MTG1: variants seen among roughly 807,000 people sequenced by gnomAD.
MTG1 encodes the protein mitochondrial ribosome associated GTPase 1.
Under a neutral mutation model 39.5 loss-of-function variants are expected in MTG1, and 30 were observed. The ratio of observed to expected loss-of-function variants is 0.76; its 90% CI spans 0.57 to 1.03. The LOEUF (loss-of-function observed/expected upper bound fraction) is 1.03. MTG1 is among the 50% of genes least tolerant of loss of function. The pLI is 0.00. For synonymous variants in MTG1, 217 were observed against 179.0 expected (o/e 1.21, Z -1.69); for missense variants, 513 against 447.4 (o/e 1.15, Z -1.32).
rs1038624887 is a variant in MTG1, at chr10:133,402,050, C to T, written c.574-99C>T. 44 of 1,456,662 alleles carry T rather than the reference C, an allele frequency of 3.0e-5. No individual in the cohort carries two copies. Among genetic ancestry groups the T allele is most frequent in the Middle Eastern group, 3.8e-4 (2 of 5,254 alleles). The allele number at this position is 1,456,662 out of a possible 1,614,324, so 90.2% of individuals were successfully genotyped here. On this transcript the variant is annotated intron_variant, in intron 7 of 10. Transcript: ENST00000317502. This position sits in a 1 kb window ranked among gnomAD's most constrained non-coding sequence, Gnocchi z 4.7. Reference sequence around the variant, plus strand: ...GGGGTTGGGTCCCTGAGGCCTTCCTCGGAGCATTGGGTGCCAGGGGCTGCC... The same window carrying T: ...GGGGTTGGGTCCCTGAGGCCTTCCTTGGAGCATTGGGTGCCAGGGGCTGCC...
chr10:133,402,924 G>A lies in MTG1; in HGVS notation c.752+151G>A, dbSNP rs1265893099. 2.1e-5 allele frequency: 13 copies of A among 621,308 alleles called. No individual in the cohort carries two copies. The highest frequency in any genetic ancestry group is 5.5e-5 in the East Asian group (2 of 36,362). 38.5% of individuals were successfully genotyped at this position (621,308 alleles called of 1,614,324 possible). A position where few individuals can be genotyped will look rare whatever the true frequency, so the allele number is the denominator to read the frequency against. On this transcript the variant is annotated intron_variant, in intron 9 of 10. Coordinates refer to ENST00000317502, the MANE Select transcript of MTG1 (RefSeq NM_138384.4). The surrounding 1 kb of genome is among the most constrained non-coding windows in gnomAD (Gnocchi z 4.7). ...TTAAAGCGTCCAGTTGGACAAGTTC[G>A]GGAGTATGGCTATACGTCTGTGAAA...
At chr10:133,420,003 C>T (rs1311155022) in intron 10 of MTG1, 23 bp from the exon 11 acceptor site, 1 of 1,590,900 alleles carries the variant, frequency 6.3e-7, no homozygotes, top group East Asian at 2.2e-5. Flanking sequence ...GCTCCTTCCT[C>T]ACTGAACCCT....
At position 133,402,590 on chromosome 10, in the gene MTG1, G is replaced by C. The variant is rs1050132554; in HGVS notation, c.671-102G>C. 14 of 1,085,194 alleles carry C rather than the reference G, an allele frequency of 1.3e-5. No homozygotes were observed. Among genetic ancestry groups the C allele is most frequent in the Non-Finnish European group, 1.9e-5 (14 of 744,728 alleles). The allele number at this position is 1,085,194 out of a possible 1,614,324, so 67.2% of individuals were successfully genotyped here. On this transcript the variant is annotated intron_variant, in intron 8 of 10. Transcript: ENST00000317502. The surrounding 1 kb of genome is among the most constrained non-coding windows in gnomAD (Gnocchi z 4.7). The stretch of plus-strand genomic sequence containing the variant: ...TGTCAGTGGCTGGCCTCTTCCTCAC[G>C]GCACGGTGTCTTTGGGCTAGGACTG...
chr10:133,395,134 G>T (rs917466673), intron 1 of MTG1, among the ~76,000 whole-genome samples: 3 of 152,166 alleles, frequency 2.0e-5, no homozygotes, highest in East Asian at 1.9e-4. Context: ...GGTGGCTCAC[G>T]CTTGTAATCC....
Position 133,402,518 on chromosome 10 carries a change from TG to T in MTG1, c.671-169del. On this transcript the variant is annotated intron_variant, in intron 8 of 10. Coordinates refer to ENST00000317502, the MANE Select transcript of MTG1 (RefSeq NM_138384.4). The surrounding 1 kb of genome is among the most constrained non-coding windows in gnomAD (Gnocchi z 4.7). ...GTTGGTCGCAGGTGCCAGGCAGGAG[TG>T]GGGGCCGGGACCACAGCCGAGTGCC... 1 of 708,322 alleles carries T rather than the reference TG, an allele frequency of 1.4e-6. No homozygotes were observed. Among genetic ancestry groups the T allele is most frequent in the Non-Finnish European group, 2.3e-6 (1 of 426,396 alleles). 43.9% of individuals were successfully genotyped at this position (708,322 alleles called of 1,614,324 possible). A position where few individuals can be genotyped will look rare whatever the true frequency, so the allele number is the denominator to read the frequency against.
chr10:133,419,683 A>G (rs977183902), intron 10 of MTG1, 91 bp downstream of exon 10: 84 of 1,084,520 alleles, frequency 7.7e-5, no homozygotes, highest in Non-Finnish European at 1.1e-4. Context: ...GAGGAGAGGA[A>G]CGTGTCAAGG....
chr10:133,416,870 G>T (rs563342571), intron 9 of MTG1, among the ~76,000 whole-genome samples: 4 of 151,928 alleles, frequency 2.6e-5, no homozygotes, highest in African/African-American at 4.8e-5. Flanking sequence ...ACACATGTGT[G>T]CATGTGTCTT....
chr10:133,401,569 A>G lies in MTG1; in HGVS notation c.552A>G (p.Arg184=), dbSNP rs1386742464. Residue 184 remains arginine (R), a synonymous_variant, in exon 7 of 11, where the codon AGA becomes AGG. Transcript: ENST00000317502. ...TRVGGEPGIT[R]AVMSKIQVSE... ...TGGGTGGCGAGCCTGGGATCACCAG[A>G]GCTGTGATGTCCAAAATTCAGGTGG... 6.2e-7 allele frequency: 1 copy of G among 1,610,178 alleles called. No homozygotes were observed. Among genetic ancestry groups the G allele is most frequent in the Admixed American group, 1.7e-5 (1 of 59,646 alleles).
At chr10:133,416,394 C>T (rs1261300505) in intron 9 of MTG1, among the ~76,000 whole-genome samples, 3 of 148,078 alleles carry the variant, frequency 2.0e-5, no homozygotes, top group Non-Finnish European at 4.5e-5. Context: ...ATATATTTTT[C>T]TTTTTATTTT....
rs78731584 is a variant in MTG1, at chr10:133,419,969, G to T, written c.866-57G>T. ...AGGGCTGGTCCCTCAGGTGGGTAAGGGCTGGGCCTGTCCTGCTGTGAAGGC... is the reference window on the plus strand; with the variant it reads ...AGGGCTGGTCCCTCAGGTGGGTAAGTGCTGGGCCTGTCCTGCTGTGAAGGC... On this transcript the variant is annotated intron_variant, in intron 10 of 10. Coordinates refer to ENST00000317502, the MANE Select transcript of MTG1 (RefSeq NM_138384.4). 5.9e-3 allele frequency: 9,123 copies of T among 1,556,250 alleles called. 482 individuals are homozygous for T. The African/African-American group carries it at 0.11, about 18-fold the overall frequency.
intron 9 of MTG1, among the ~76,000 whole-genome samples, chr10:133,418,991 A>G (rs879281195): frequency 6.6e-6 from 1 of 152,200 alleles, no homozygotes; most frequent in Non-Finnish European, 1.5e-5. Context: ...ACACCGCTCA[A>G]ACACCCAGCC....
Position 133,420,309 on chromosome 10 carries a change from C to T in MTG1, c.*144C>T, listed in dbSNP as rs576574212. The T allele has an allele frequency of 1.3e-4, 130 of 1,032,260 alleles. No individual in the cohort carries two copies. The African/African-American group carries it at 2.0e-3, about 16-fold the overall frequency. 63.9% of individuals were successfully genotyped at this position (1,032,260 alleles called of 1,614,324 possible). A position where few individuals can be genotyped will look rare whatever the true frequency, so the allele number is the denominator to read the frequency against. Reference sequence around the variant, plus strand: ...TGCTCTCTGGCGCCCCACAGCCTGGCCAGCTCCAGGGACCCCAGTTGCAGG... The same window carrying T: ...TGCTCTCTGGCGCCCCACAGCCTGGTCAGCTCCAGGGACCCCAGTTGCAGG... On this transcript the variant is annotated 3_prime_UTR_variant, in exon 11 of 11. Transcript: ENST00000317502.
At chr10:133,401,490 T>C in intron 6 of MTG1, 39 bp from the exon 7 acceptor site, 3 of 1,513,468 alleles carry the variant, frequency 2.0e-6, no homozygotes, top group Non-Finnish European at 1.8e-6. Context: ...CTTCTGTGTT[T>C]AGTATACATT....
In MTG1 at chr10:133,402,873, T is replaced by C. The variant is rs555971089; in HGVS notation, c.752+100T>C. ...AAAACCCCCAGCATTATAAAGGTAT[T>C]ATAAACACGGTAACCTGCACATCGT... is the stretch of plus-strand genomic sequence containing the variant. On this transcript the variant is annotated intron_variant, in intron 9 of 10. Coordinates refer to ENST00000317502, the MANE Select transcript of MTG1 (RefSeq NM_138384.4). This position sits in a 1 kb window ranked among gnomAD's most constrained non-coding sequence, Gnocchi z 4.7. 484 of 892,970 alleles carry C rather than the reference T, an allele frequency of 5.4e-4. No individual in the cohort carries two copies. Among genetic ancestry groups the C allele is most frequent in the Non-Finnish European group, 6.9e-4 (408 of 588,840 alleles). 55.3% of individuals were successfully genotyped at this position (892,970 alleles called of 1,614,324 possible).
chr10:133,401,891 C>T, intron 7 of MTG1: 1 of 607,488 alleles, frequency 1.6e-6, no homozygotes, highest in Non-Finnish European at 2.9e-6. Context: ...CCCCACCCTC[C>T]ACTCCCTTCC....
At chr10:133,416,856 A>G (rs1003034528) in intron 9 of MTG1, among the ~76,000 whole-genome samples, 22 of 151,856 alleles carry the variant, frequency 1.4e-4, no homozygotes, top group African/African-American at 3.1e-4. Flanking sequence ...TAATGCCGCA[A>G]TAAACACATG....
intron 6 of MTG1, among the ~76,000 whole-genome samples, chr10:133,400,713 A>G (rs974229034): frequency 6.6e-6 from 1 of 152,184 alleles, no homozygotes; most frequent in Non-Finnish European, 1.5e-5. Context: ...ATTTTCAAAT[A>G]TTTTGGTTAC....
Position 133,421,566 on chromosome 10 carries a change from G to C in MTG1, c.*1401G>C, listed in dbSNP as rs1350583424. On this transcript the variant is annotated 3_prime_UTR_variant, in exon 11 of 11. Transcript: ENST00000317502. ...GGCCTGCTGGTCTTGGAGGCGTTGA[G>C]CTTGGTCTGGAAGGGGTGGAGGAGC... is the stretch of plus-strand genomic sequence containing the variant. 1.3e-5 allele frequency: 2 copies of C among 153,438 alleles called. No homozygotes were observed. Among genetic ancestry groups the C allele is most frequent in the Non-Finnish European group, 2.9e-5 (2 of 68,676 alleles). The allele number at this position is 153,438 out of a possible 1,614,324, so 9.5% of individuals were successfully genotyped here. A position where few individuals can be genotyped will look rare whatever the true frequency, so the allele number is the denominator to read the frequency against.
chr10:133,401,426 C>A (rs913116770), intron 6 of MTG1, 103 bp from the exon 7 acceptor site: 3 of 963,776 alleles, frequency 3.1e-6, no homozygotes, highest in Non-Finnish European at 4.6e-6. Flanking sequence ...CATAGTCTCC[C>A]TGCTTGGCTG....
Sources: allele counts gnomAD v4.1 joint callset (sites outside exome capture counted in the v4.1 genomes callset), GRCh38; gene constraint gnomAD v4.1.1; non-coding constraint Gnocchi (gnomAD v3.1); transcripts MANE v1.5; gene names NCBI Gene and HGNC (gene_info 2026-07-23, HGNC 2026-07-21).